The following FGF10 variants were observed in gnomAD, a reference collection of about 807,000 sequenced individuals.
FGF10 encodes fibroblast growth factor 10, also known as FGF-10.
FGF10 carries 2 observed loss-of-function variants against 19.8 expected under a neutral mutation model. That is an observed-to-expected ratio of 0.10 (90% CI 0.04 to 0.32). The LOEUF (loss-of-function observed/expected upper bound fraction) is 0.32, where lower values mean the gene tolerates loss of function less well. Among genes scored for constraint, FGF10 ranks in the 10% least tolerant of loss-of-function variants. The probability of loss-of-function intolerance (pLI) is 1.00; values close to 1 mark genes in which losing one functional copy is unlikely to be tolerated. For synonymous variants in FGF10, 112 were observed against 94.0 expected, an observed-to-expected ratio of 1.19 and a Z score of -1.10; for missense variants, 191 against 246.3, an observed-to-expected ratio of 0.78 and a Z score of 1.50.
chr5:44,301,376 A>G lies in FGF10; in HGVS notation c.*3619T>C, dbSNP rs1453848403. ...ACCTTGAATTGGCAGCATCCAAATT[A>G]TTAGAACTGTGCAGCATTAATGCTG... On this transcript the variant is annotated 3_prime_UTR_variant, in exon 3 of 3. Coordinates refer to ENST00000264664, the MANE Select transcript of FGF10 (RefSeq NM_004465.2). Among the ~76,000 whole-genome samples the G allele has an allele frequency of 6.6e-6, 1 of 152,202 alleles. No homozygotes were observed. Among genetic ancestry groups the G allele is most frequent in the African/African-American group, 2.4e-5 (1 of 41,466 alleles).
At chr5:44,316,380 G>T (rs140556890) in intron 1 of FGF10, among the ~76,000 whole-genome samples, 4 of 152,246 alleles carry the variant, frequency 2.6e-5, no homozygotes, top group East Asian at 1.9e-4. Context: ...CAGAATAGTG[G>T]CAAGTTAACC....
At chr5:44,323,276 A>G (rs564921823) in intron 1 of FGF10, among the ~76,000 whole-genome samples, 18 of 152,318 alleles carry the variant, frequency 1.2e-4, no homozygotes, top group Non-Finnish European at 2.2e-4. Flanking sequence ...CAATGTGACT[A>G]CTAGTAAAGC....
chr5:44,326,038 G>A (rs1185155678), intron 1 of FGF10, among the ~76,000 whole-genome samples: 1 of 151,848 alleles, frequency 6.6e-6, no homozygotes. Context: ...AGGTCAAAAA[G>A]CATTTAAAAA....
At chr5:44,387,404 C>A (rs1417006519) in intron 1 of FGF10, among the ~76,000 whole-genome samples, 1 of 152,140 alleles carries the variant, frequency 6.6e-6, no homozygotes, top group African/African-American at 2.4e-5. Flanking sequence ...ATAATTTACG[C>A]TGAGGAGAAA....
rs971043206 is a variant in FGF10 at position 44,302,452 on chromosome 5, G to A, written c.*2543C>T. The stretch of plus-strand genomic sequence containing the variant: ...TAGCTCACTGCAGCCTCAAACTCCT[G>A]GGCCCAAGAGATCCTTCCGTTTCAG... On this transcript the variant is annotated 3_prime_UTR_variant, in exon 3 of 3. Coordinates refer to ENST00000264664, the MANE Select transcript of FGF10 (RefSeq NM_004465.2). 3.9e-5 allele frequency among the ~76,000 whole-genome samples: 6 copies of A among 151,906 alleles called. No homozygotes were observed. Among genetic ancestry groups the A allele is most frequent in the Admixed American group, 6.6e-5 (1 of 15,210 alleles).
intron 1 of FGF10, among the ~76,000 whole-genome samples, chr5:44,363,490 C>T (rs1253175263): frequency 6.6e-6 from 1 of 151,846 alleles, no homozygotes; most frequent in East Asian, 1.9e-4. Flanking sequence ...CATTTCAAAG[C>T]TTTATGCTCT....
At chr5:44,313,610 G>T (rs144849576) in intron 1 of FGF10, among the ~76,000 whole-genome samples, 1 of 146,962 alleles carries the variant, frequency 6.8e-6, no homozygotes. Context: ...TTAACTCAAA[G>T]AAACACCTGA....
chr5:44,349,082 G>A (rs1741156532), intron 1 of FGF10, among the ~76,000 whole-genome samples: 1 of 151,300 alleles, frequency 6.6e-6, no homozygotes. Context: ...CTATAGATCT[G>A]TCCAGCTTAA....
At chr5:44,336,343 G>T (rs1740849855) in intron 1 of FGF10, among the ~76,000 whole-genome samples, 2 of 151,966 alleles carry the variant, frequency 1.3e-5, no homozygotes, top group Admixed American at 1.3e-4. Context: ...ATAATTTTGT[G>T]CTAGTTTATA....
rs74701942 is a variant in FGF10 at position 44,382,239 on chromosome 5, T to C, written c.325+6119A>G. ...TCTGAGTGTCTTCTTTGATGTATTG[T>C]GCCAATTAGAACACAGCGTTCAAAG... On this transcript the variant is annotated intron_variant, in intron 1 of 2. Coordinates refer to ENST00000264664, the MANE Select transcript of FGF10 (RefSeq NM_004465.2). Among the ~76,000 whole-genome samples, 2,143 of 152,252 alleles carry C rather than the reference T, an allele frequency of 0.014. 115 individuals carry two copies. In the East Asian group the frequency reaches 0.2, roughly 14 times the overall value.
intron 1 of FGF10, among the ~76,000 whole-genome samples, chr5:44,315,201 G>T (rs1387933263): frequency 6.8e-6 from 1 of 146,808 alleles, no homozygotes; most frequent in Admixed American, 6.8e-5. Context: ...AAAAAAACCA[G>T]AAAGAAAATA....
intron 1 of FGF10, among the ~76,000 whole-genome samples, chr5:44,340,014 A>G (rs1168286653): frequency 6.6e-6 from 1 of 152,154 alleles, no homozygotes; most frequent in Non-Finnish European, 1.5e-5. Context: ...CTGGGAGTGA[A>G]GAACTTTAGA....
At chr5:44,305,916 T>C (rs1173405903) in intron 2 of FGF10, among the ~76,000 whole-genome samples, 2 of 152,144 alleles carry the variant, frequency 1.3e-5, no homozygotes, top group Non-Finnish European at 2.9e-5. Context: ...ATGCCTACAT[T>C]GTATCTTAAG....
At chr5:44,317,876 G>A (rs959354748) in intron 1 of FGF10, among the ~76,000 whole-genome samples, 1 of 152,096 alleles carries the variant, frequency 6.6e-6, no homozygotes, top group African/African-American at 2.4e-5. Context: ...TTCACAGTGA[G>A]ACACAAATGA....
intron 1 of FGF10, among the ~76,000 whole-genome samples, chr5:44,336,782 A>G (rs975118976): frequency 6.6e-6 from 1 of 152,186 alleles, no homozygotes; most frequent in Admixed American, 6.5e-5. Context: ...TGGTAAAATG[A>G]CAGTTACTTT....
At chr5:44,331,127 G>A (rs1277612374) in intron 1 of FGF10, among the ~76,000 whole-genome samples, 1 of 152,058 alleles carries the variant, frequency 6.6e-6, no homozygotes, top group African/African-American at 2.4e-5. Flanking sequence ...ACATAGTTCT[G>A]AAAAATTTCT....
chr5:44,333,107 C>G (rs969684589), intron 1 of FGF10, among the ~76,000 whole-genome samples: 2 of 151,712 alleles, frequency 1.3e-5, no homozygotes, highest in African/African-American at 4.8e-5. Flanking sequence ...TCCTGACCCC[C>G]CCCAAAAAAA....
At chr5:44,314,872 C>A (rs1037980663) in intron 1 of FGF10, among the ~76,000 whole-genome samples, 1 of 151,860 alleles carries the variant, frequency 6.6e-6, no homozygotes, top group African/African-American at 2.4e-5. Flanking sequence ...AATATTTTTC[C>A]ATAAACACAA....
At chr5:44,365,609 CTTTGAT>C (rs1741590394) in intron 1 of FGF10, among the ~76,000 whole-genome samples, 3 of 151,904 alleles carry the variant, frequency 2.0e-5, no homozygotes, top group Admixed American at 2.0e-4. Context: ...TGACTCTACG[CTTTGAT>C]TAAGACTTAG....
Sources: allele counts gnomAD v4.1 joint callset (sites outside exome capture counted in the v4.1 genomes callset), GRCh38; gene constraint gnomAD v4.1.1; transcripts MANE v1.5; gene names NCBI Gene and HGNC (gene_info 2026-07-23, HGNC 2026-07-21).